EYS: variants seen among roughly 807,000 people sequenced by gnomAD.
EYS encodes EGF-like photoreceptor maintenance factor, also known as protein eyes shut homolog.
Under a neutral mutation model 282.1 loss-of-function variants are expected in EYS, and 250 were observed. The ratio of observed to expected loss-of-function variants is 0.89; its 90% CI spans 0.80 to 0.98. The LOEUF (loss-of-function observed/expected upper bound fraction) is 0.98, where lower values mean the gene tolerates loss of function less well. Among genes scored for constraint, EYS ranks in the 50% least tolerant of loss-of-function variants. The pLI is 0.00. For missense variants in EYS, 4,016 were observed against 3,709.0 expected, an observed-to-expected ratio of 1.08 and a Z score of -2.15; for synonymous variants, 1,355 against 1,282.9, an observed-to-expected ratio of 1.06 and a Z score of -1.20.
intron 22 of EYS, among the ~76,000 whole-genome samples, chr6:64,785,600 C>T (rs1773990459): frequency 6.6e-6 from 1 of 152,134 alleles, no homozygotes; most frequent in Non-Finnish European, 1.5e-5. Flanking sequence ...TTCTTAGGAT[C>T]CCAAAATAAA....
chr6:65,621,582 T>C (rs997281019), intron 2 of EYS, among the ~76,000 whole-genome samples: 1 of 151,552 alleles, frequency 6.6e-6, no homozygotes, highest in East Asian at 1.9e-4. Flanking sequence ...ATGTGTGAAT[T>C]TGATCCTGTC....
At chr6:65,260,367 A>G (rs1767588870) in intron 12 of EYS, among the ~76,000 whole-genome samples, 2 of 152,102 alleles carry the variant, frequency 1.3e-5, no homozygotes, top group African/African-American at 2.4e-5. Flanking sequence ...CTGCCTGCAG[A>G]TGCCTGCTCT....
chr6:64,211,243 T>C (rs927410957), intron 31 of EYS, among the ~76,000 whole-genome samples: 1 of 152,174 alleles, frequency 6.6e-6, no homozygotes, highest in African/African-American at 2.4e-5. Flanking sequence ...AGATTCTAAA[T>C]CTGAGATCTG....
intron 33 of EYS, among the ~76,000 whole-genome samples, chr6:64,023,791 G>C (rs1179753694): frequency 6.6e-6 from 1 of 152,214 alleles, no homozygotes; most frequent in Non-Finnish European, 1.5e-5. Flanking sequence ...AGGCGCGGGT[G>C]GGAACTGGGG....
intron 28 of EYS, among the ~76,000 whole-genome samples, chr6:64,435,345 A>G (rs1304613743): frequency 1.3e-5 from 2 of 151,566 alleles, no homozygotes; most frequent in African/African-American, 4.8e-5. Flanking sequence ...AGATAATAGA[A>G]TTTGGGTAGT....
intron 15 of EYS, among the ~76,000 whole-genome samples, chr6:64,925,590 G>C (rs1768489430): frequency 6.6e-6 from 1 of 152,150 alleles, no homozygotes; most frequent in Non-Finnish European, 1.5e-5. Flanking sequence ...TACTGAAATG[G>C]GCTATGAAGT....
intron 22 of EYS, among the ~76,000 whole-genome samples, chr6:64,713,954 G>C (rs767131050): frequency 8.5e-5 from 13 of 152,134 alleles, no homozygotes; most frequent in Non-Finnish European, 1.8e-4. Flanking sequence ...TGAGCCTTTA[G>C]TTTCTTTGCT....
chr6:64,394,188 T>C (rs1377096005), intron 28 of EYS, among the ~76,000 whole-genome samples: 1 of 152,114 alleles, frequency 6.6e-6, no homozygotes, highest in African/African-American at 2.4e-5. Flanking sequence ...ATCAATATTG[T>C]GAAAATGGCC....
chr6:64,108,722 G>A (rs1324728287), intron 31 of EYS, among the ~76,000 whole-genome samples: 2 of 149,242 alleles, frequency 1.3e-5, no homozygotes, highest in African/African-American at 5.2e-5. Context: ...TGACTGCCAT[G>A]GTCCCACTTT....
chr6:64,481,735 A>G (rs1230037075), intron 26 of EYS, among the ~76,000 whole-genome samples: 1 of 151,654 alleles, frequency 6.6e-6, no homozygotes, highest in African/African-American at 2.4e-5. Context: ...TAGAAGATCA[A>G]AATAAGAACC....
At chr6:64,029,761 C>T (rs1202876210) in intron 33 of EYS, among the ~76,000 whole-genome samples, 1 of 152,232 alleles carries the variant, frequency 6.6e-6, no homozygotes, top group African/African-American at 2.4e-5. Flanking sequence ...CCTCTTCCCC[C>T]AGGGACCAGT....
At chr6:64,895,112 A>T (rs572801532) in intron 18 of EYS, among the ~76,000 whole-genome samples, 2 of 152,134 alleles carry the variant, frequency 1.3e-5, no homozygotes, top group Non-Finnish European at 1.5e-5. Flanking sequence ...GATTCCAAAC[A>T]TCCCTACTTA....
At chr6:64,872,414 G>C (rs927223553) in intron 19 of EYS, among the ~76,000 whole-genome samples, 3 of 151,988 alleles carry the variant, frequency 2.0e-5, no homozygotes, top group African/African-American at 4.8e-5. Context: ...AAAACCAATG[G>C]TGCAGTAAGT....
chr6:64,508,976 C>T (rs1890471), intron 26 of EYS, among the ~76,000 whole-genome samples: 39,059 of 151,674 alleles, frequency 0.26, 5,531 homozygotes, highest in East Asian at 0.36. Flanking sequence ...TTGCTAACTT[C>T]GTTAAACAGA....
intron 29 of EYS, among the ~76,000 whole-genome samples, chr6:64,349,078 T>A (rs1301523789): frequency 6.6e-6 from 1 of 151,386 alleles, no homozygotes; most frequent in African/African-American, 2.4e-5. Flanking sequence ...AAAAATGACA[T>A]TAAAATTAGA....
intron 13 of EYS, among the ~76,000 whole-genome samples, chr6:64,998,101 T>C (rs140897053): frequency 2.6e-5 from 4 of 152,328 alleles, no homozygotes; most frequent in Admixed American, 2.0e-4. Flanking sequence ...ACCTTAACTG[T>C]TCAGTTGTTA....
chr6:64,252,176 C>T (rs538183748), intron 30 of EYS, among the ~76,000 whole-genome samples: 1 of 152,196 alleles, frequency 6.6e-6, no homozygotes, highest in African/African-American at 2.4e-5. Flanking sequence ...TTCATTTGTA[C>T]AACTCTGCAA....
At chr6:65,630,480 A>G (rs1766872401) in intron 2 of EYS, among the ~76,000 whole-genome samples, 1 of 152,246 alleles carries the variant, frequency 6.6e-6, no homozygotes, top group Non-Finnish European at 1.5e-5. Flanking sequence ...TAGAACTTAC[A>G]TATTTCTCAA....
intron 31 of EYS, among the ~76,000 whole-genome samples, chr6:64,155,889 C>T (rs945379300): frequency 7.2e-5 from 11 of 151,764 alleles, no homozygotes; most frequent in South Asian, 2.1e-4. Flanking sequence ...AGTCCCCTAA[C>T]GATAAAATGA....
Sources: gnomAD v4.1 joint callset for allele counts (sites outside exome capture counted in the v4.1 genomes callset) on GRCh38, gnomAD v4.1.1 for gene constraint, MANE v1.5 for transcripts, NCBI Gene and HGNC (gene_info 2026-07-23, HGNC 2026-07-21) for gene names.